Variants in PIP5K1B observed in about 807,000 individuals in gnomAD.
The protein encoded by PIP5K1B is phosphatidylinositol 4-phosphate 5-kinase type-1 beta.
A neutral mutation model predicts 67.0 loss-of-function variants in PIP5K1B; 42 were observed. The observed-to-expected ratio is 0.63, with a 90% CI of 0.49 to 0.81. The LOEUF (loss-of-function observed/expected upper bound fraction) is 0.81, where lower values mean the gene tolerates loss of function less well. Among genes scored for constraint, PIP5K1B ranks in the 30% least tolerant of loss-of-function variants. The pLI is 0.00. For missense variants in PIP5K1B, 459 were observed against 646.3 expected, an observed-to-expected ratio of 0.71 and a Z score of 3.14; for synonymous variants, 214 against 231.4, an observed-to-expected ratio of 0.92 and a Z score of 0.68.
chr9:68,723,124 G>A (rs1827969614), intron 1 of PIP5K1B, among the ~76,000 whole-genome samples: 1 of 152,054 alleles, frequency 6.6e-6, no homozygotes, highest in South Asian at 2.1e-4. Context: ...ACAAATGACA[G>A]GATCTCGTTC....
At chr9:68,876,931 G>T in intron 6 of PIP5K1B, 137 bp downstream of exon 6, 1 of 577,904 alleles carries the variant, frequency 1.7e-6, no homozygotes, top group Non-Finnish European at 3.1e-6. Context: ...GTTTTATAAT[G>T]ATTATAAATT....
chr9:68,985,777 T>C (rs749482053), intron 14 of PIP5K1B, among the ~76,000 whole-genome samples: 3 of 152,258 alleles, frequency 2.0e-5, no homozygotes, highest in African/African-American at 4.8e-5. Context: ...AACTCTCTCA[T>C]GTCATCAAGC....
At chr9:68,951,804 G>A (rs563323604) in intron 14 of PIP5K1B, among the ~76,000 whole-genome samples, 30 of 152,178 alleles carry the variant, frequency 2.0e-4, no homozygotes, top group Non-Finnish European at 2.6e-4. Flanking sequence ...AAAAGAGCAA[G>A]CCGTAGTCCA....
At chr9:68,967,146 G>A (rs558400046) in intron 14 of PIP5K1B, among the ~76,000 whole-genome samples, 2 of 152,312 alleles carry the variant, frequency 1.3e-5, no homozygotes, top group East Asian at 3.9e-4. Context: ...TTGGATACCT[G>A]TGGTAGTTGT....
At chr9:68,951,286 C>CA (rs1828053816) in intron 14 of PIP5K1B, among the ~76,000 whole-genome samples, 1 of 152,144 alleles carries the variant, frequency 6.6e-6, no homozygotes, top group African/African-American at 2.4e-5. Context: ...GGCTATAATG[C>CA]AAATTTCATC....
At chr9:68,813,063 A>G (rs1162110688) in intron 2 of PIP5K1B, among the ~76,000 whole-genome samples, 1 of 152,232 alleles carries the variant, frequency 6.6e-6, no homozygotes, top group Admixed American at 6.5e-5. Context: ...TTACAGAGAG[A>G]TGGGACAAAA....
chr9:68,764,799 A>T (rs1165761140), intron 2 of PIP5K1B, among the ~76,000 whole-genome samples: 1 of 152,152 alleles, frequency 6.6e-6, no homozygotes, highest in East Asian at 1.9e-4. Context: ...TTAACCATAA[A>T]CATCAATGTA....
At chr9:68,826,161 A>G (rs1480696184) in intron 4 of PIP5K1B, among the ~76,000 whole-genome samples, 1 of 152,230 alleles carries the variant, frequency 6.6e-6, no homozygotes, top group Non-Finnish European at 1.5e-5. Flanking sequence ...GCCCATTAAG[A>G]CAGGCATTAA....
At chr9:68,882,515 A>AT (rs1042769124) in intron 6 of PIP5K1B, among the ~76,000 whole-genome samples, 27 of 151,198 alleles carry the variant, frequency 1.8e-4, no homozygotes, top group African/African-American at 4.4e-4. Flanking sequence ...ATGTCACTGC[A>AT]TTTTTTTTTA....
chr9:68,877,855 C>T (rs1428886022), intron 6 of PIP5K1B, among the ~76,000 whole-genome samples: 1 of 152,172 alleles, frequency 6.6e-6, no homozygotes, highest in Non-Finnish European at 1.5e-5. Flanking sequence ...ATCAATAAGT[C>T]TCCAAAGAAT....
intron 15 of PIP5K1B, among the ~76,000 whole-genome samples, chr9:68,996,188 C>T (rs998602562): frequency 1.3e-4 from 20 of 152,178 alleles, no homozygotes; most frequent in African/African-American, 3.9e-4. Context: ...TTTAAGGATC[C>T]ATCCACACAT....
intron 15 of PIP5K1B, among the ~76,000 whole-genome samples, chr9:69,007,475 C>A (rs1296274804): frequency 1.3e-5 from 2 of 152,188 alleles, no homozygotes; most frequent in Non-Finnish European, 2.9e-5. Context: ...CTCACCACCA[C>A]CCTATAAAGT....
At chr9:68,732,019 G>A (rs4745233) in intron 1 of PIP5K1B, among the ~76,000 whole-genome samples, 8 of 152,176 alleles carry the variant, frequency 5.3e-5, no homozygotes, top group Non-Finnish European at 8.8e-5. Context: ...CTCTGTCTTC[G>A]AGGGATTCCT....
chr9:68,897,954 G>C (rs1032885370), intron 8 of PIP5K1B, among the ~76,000 whole-genome samples: 3 of 152,126 alleles, frequency 2.0e-5, no homozygotes, highest in Non-Finnish European at 4.4e-5. Context: ...CAGAGCTGCC[G>C]TTTCTGAGCT....
intron 2 of PIP5K1B, among the ~76,000 whole-genome samples, chr9:68,808,976 A>T (rs1259167395): frequency 6.6e-6 from 1 of 152,230 alleles, no homozygotes; most frequent in Non-Finnish European, 1.5e-5. Flanking sequence ...CTATTTTTAC[A>T]GCTTCTAAGC....
chr9:68,880,556 AACACACACACACACAC>A (rs35017818), intron 6 of PIP5K1B, among the ~76,000 whole-genome samples: 1 of 118,590 alleles, frequency 8.4e-6, no homozygotes, highest in Non-Finnish European at 2.0e-5. Context: ...CTGCATCTGA[AACACACACACACACAC>A]ACACACACAC....
chr9:68,802,296 G>A (rs1156912233), intron 2 of PIP5K1B, among the ~76,000 whole-genome samples: 4 of 152,220 alleles, frequency 2.6e-5, no homozygotes, highest in Admixed American at 6.5e-5. Context: ...TCTACTTAAT[G>A]TGTAAGGACT....
At chr9:68,779,742 T>G (rs776830585) in intron 2 of PIP5K1B, among the ~76,000 whole-genome samples, 1 of 152,218 alleles carries the variant, frequency 6.6e-6, no homozygotes, top group Non-Finnish European at 1.5e-5. Context: ...AGGAGATTGT[T>G]CCTTCCTCGA....
chr9:68,837,076 C>G (rs1204212509), intron 4 of PIP5K1B, among the ~76,000 whole-genome samples: 1 of 152,218 alleles, frequency 6.6e-6, no homozygotes, highest in Non-Finnish European at 1.5e-5. Flanking sequence ...GGAAAGCGTT[C>G]AGCACCCAGA....
Sources: gnomAD v4.1 joint callset for allele counts (sites outside exome capture counted in the v4.1 genomes callset) on GRCh38, gnomAD v4.1.1 for gene constraint, MANE v1.5 for transcripts, NCBI Gene and HGNC (gene_info 2026-07-23, HGNC 2026-07-21) for gene names.